The following MAN2A1 variants were observed in gnomAD, a reference collection of about 807,000 sequenced individuals.
The protein encoded by MAN2A1 is alpha-mannosidase 2.
MAN2A1 carries 76 observed loss-of-function variants against 142.6 expected under a neutral mutation model. That is an observed-to-expected ratio of 0.53 (90% CI 0.44 to 0.65). The LOEUF is 0.65. Ranked by LOEUF, MAN2A1 falls within the 30% of genes least tolerant of loss-of-function variation. MAN2A1 has a pLI of 0.00. For missense variants in MAN2A1, 1,311 were observed against 1,365.1 expected (o/e 0.96, Z 0.62); for synonymous variants, 559 against 473.2 (o/e 1.18, Z -2.35).
intron 1 of MAN2A1, among the ~76,000 whole-genome samples, chr5:109,693,490 A>G (rs1582791887): frequency 6.6e-6 from 1 of 152,050 alleles, no homozygotes; most frequent in Non-Finnish European, 1.5e-5. Flanking sequence ...AGTTGGTTTC[A>G]GTTGATACGG....
chr5:109,739,718 A>G (rs879699149), intron 4 of MAN2A1, among the ~76,000 whole-genome samples: 1 of 152,058 alleles, frequency 6.6e-6, no homozygotes, highest in Non-Finnish European at 1.5e-5. Context: ...CTAACCATAT[A>G]CTTTCAGTTT....
intron 4 of MAN2A1, among the ~76,000 whole-genome samples, chr5:109,741,408 T>TAA (rs1752263546): frequency 6.6e-6 from 1 of 152,240 alleles, no homozygotes; most frequent in Non-Finnish European, 1.5e-5. Context: ...ACTTAATAGA[T>TAA]ATTTAAGTTT....
At chr5:109,842,840 C>G (rs868548983) in intron 17 of MAN2A1, among the ~76,000 whole-genome samples, 2 of 100,702 alleles carry the variant, frequency 2.0e-5, no homozygotes, top group African/African-American at 3.9e-5. Context: ...GAGTCTCGCT[C>G]TGTTGCCCAG....
rs1257754301 is a variant in MAN2A1 at position 109,770,401 on chromosome 5, C to T, written c.1056C>T (p.Tyr352=). ...TTTTATGCCACATGATGCCCTTCTA[C>T]AGCTATGACATCCCTCACACTTGTG... The part of the protein sequence containing the change: ...TDILCHMMPF[Y]SYDIPHTCGP... Residue 352 remains tyrosine (Y), a synonymous_variant, in exon 7 of 22, where the codon TAC becomes TAT. Coordinates refer to ENST00000261483, the MANE Select transcript of MAN2A1 (RefSeq NM_002372.4). 6.2e-7 allele frequency: 1 copy of T among 1,614,040 alleles called. No individual in the cohort carries two copies. Among genetic ancestry groups the T allele is most frequent in the African/African-American group, 1.3e-5 (1 of 75,052 alleles).
intron 5 of MAN2A1, among the ~76,000 whole-genome samples, chr5:109,760,392 AT>A (rs1752810456): frequency 6.6e-6 from 1 of 152,146 alleles, no homozygotes; most frequent in South Asian, 2.1e-4. Context: ...ATTGATGGGC[AT>A]TTGGGTTGGT....
rs1468059584 is a variant in MAN2A1, at chr5:109,728,970, G to A, written c.536-372G>A. On this transcript the variant is annotated intron_variant, in intron 3 of 21. Transcript: ENST00000261483. ...GATCCCCTATTAGGATAACAGTACT[G>A]CCAACTTGTAAACAGTGTTTAGATT... is the stretch of plus-strand genomic sequence containing the variant. 2.6e-5 allele frequency among the ~76,000 whole-genome samples: 4 copies of A among 152,104 alleles called. No homozygotes were observed. The East Asian group carries it at 7.7e-4, about 29-fold the overall frequency.
At chr5:109,748,810 C>T (rs996122174) in intron 4 of MAN2A1, among the ~76,000 whole-genome samples, 1 of 151,864 alleles carries the variant, frequency 6.6e-6, no homozygotes, top group Non-Finnish European at 1.5e-5. Flanking sequence ...CTCTGTTCCT[C>T]ATACACTAAT....
intron 4 of MAN2A1, among the ~76,000 whole-genome samples, chr5:109,742,332 A>C (rs1246276440): frequency 6.6e-6 from 1 of 152,200 alleles, no homozygotes; most frequent in South Asian, 2.1e-4. Flanking sequence ...ATGTGTGCTG[A>C]GATGAAGGTA....
At chr5:109,725,992 T>G (rs1751733267) in intron 3 of MAN2A1, among the ~76,000 whole-genome samples, 1 of 152,218 alleles carries the variant, frequency 6.6e-6, no homozygotes, top group Admixed American at 6.5e-5. Flanking sequence ...GTTTTAAATA[T>G]TTCCCCACTT....
chr5:109,741,468 A>G (rs182134624), intron 4 of MAN2A1, among the ~76,000 whole-genome samples: 1 of 152,222 alleles, frequency 6.6e-6, no homozygotes, highest in East Asian at 1.9e-4. Context: ...TTACTAATAG[A>G]TTTTTTTGTG....
At chr5:109,834,500 A>T (rs970963478) in intron 16 of MAN2A1, among the ~76,000 whole-genome samples, 17 of 152,168 alleles carry the variant, frequency 1.1e-4, no homozygotes, top group Admixed American at 1.0e-3. Context: ...TTCTTCAAGT[A>T]TATCATAGTT....
chr5:109,767,674 T>A lies in MAN2A1; in HGVS notation c.975T>A (p.His325Gln), dbSNP rs747908922. 1 of 1,613,302 alleles carries A rather than the reference T, an allele frequency of 6.2e-7. No homozygotes were observed. Among genetic ancestry groups the A allele is most frequent in the African/African-American group, 1.3e-5 (1 of 75,044 alleles). ...HYAVKKHFALHKTLEFFWRQN... is the reference protein window; with the variant it reads ...HYAVKKHFALQKTLEFFWRQN... ...CAGTTAAAAAACACTTTGCACTGCATAAAACATTGGAGTTTTTTTGGAGAC... is the reference window on the plus strand; with the variant it reads ...CAGTTAAAAAACACTTTGCACTGCAAAAAACATTGGAGTTTTTTTGGAGAC... Residue 325 changes from histidine to glutamine, a missense_variant, in exon 6 of 22, where the codon CAT becomes CAA. Physicochemically the swap from His to Gln is conservative, Grantham distance 24. Around this residue, in one of 3 missense-constraint regions of MAN2A1, gnomAD observed 409 missense variants for 412.7 expected, o/e 0.99. Transcript: ENST00000261483.
At chr5:109,839,351 T>A (rs1755139474) in intron 16 of MAN2A1, among the ~76,000 whole-genome samples, 1 of 152,202 alleles carries the variant, frequency 6.6e-6, no homozygotes, top group Non-Finnish European at 1.5e-5. Flanking sequence ...GAAGATACTG[T>A]TATTTATCAT....
chr5:109,734,764 G>A (rs929944962), intron 4 of MAN2A1, among the ~76,000 whole-genome samples: 19 of 152,028 alleles, frequency 1.2e-4, no homozygotes, highest in African/African-American at 2.4e-4. Context: ...GTTCTTTTAC[G>A]TTTGCTGAGG....
intron 3 of MAN2A1, among the ~76,000 whole-genome samples, chr5:109,726,424 G>A (rs1215118335): frequency 6.6e-6 from 1 of 152,154 alleles, no homozygotes; most frequent in Non-Finnish European, 1.5e-5. Flanking sequence ...GCTGCAAGAG[G>A]CTATCTTTCA....
chr5:109,699,566 T>C (rs1750914339), intron 1 of MAN2A1: 1 of 148,684 alleles, frequency 6.7e-6, no homozygotes, highest in African/African-American at 2.5e-5. Flanking sequence ...CAAAATGATA[T>C]ACTTGATAAA....
At chr5:109,861,288 G>T (rs1173708337) in intron 20 of MAN2A1, among the ~76,000 whole-genome samples, 1 of 152,174 alleles carries the variant, frequency 6.6e-6, no homozygotes, top group Non-Finnish European at 1.5e-5. Context: ...GACAAGTAAA[G>T]GTTCTCACCT....
At chr5:109,843,229 T>TTA (rs1313827350) in intron 17 of MAN2A1, among the ~76,000 whole-genome samples, 2 of 152,140 alleles carry the variant, frequency 1.3e-5, no homozygotes, top group African/African-American at 2.4e-5. Context: ...CTCAGGAAAC[T>TTA]TACAATCGTA....
rs1234380568 is a variant in MAN2A1, at chr5:109,833,618, C to G, written c.2567-8710C>G. ...AGGTTGCAGTGAGCCGAGATGGCAG[C>G]ACTACAGTCCGGCCTCTGCTCGGCA... is the stretch of plus-strand genomic sequence containing the variant. On this transcript the variant is annotated intron_variant, in intron 16 of 21. Coordinates refer to ENST00000261483, the MANE Select transcript of MAN2A1 (RefSeq NM_002372.4). Among the ~76,000 whole-genome samples the G allele has an allele frequency of 7.3e-5, 11 of 149,738 alleles. No individual in the cohort carries two copies. The Admixed American group carries it at 7.4e-4, about 10-fold the overall frequency.
Sources: gnomAD v4.1 joint callset for allele counts (sites outside exome capture counted in the v4.1 genomes callset) on GRCh38, gnomAD v4.1.1 for gene constraint, gnomAD v4.1.1 regional missense constraint, MANE v1.5 for transcripts, NCBI Gene and HGNC (gene_info 2026-07-23, HGNC 2026-07-21) for gene names.